The following UVRAG variants were observed in gnomAD, a reference collection of about 807,000 sequenced individuals.
UVRAG encodes UV radiation resistance associated.
In UVRAG, 19 loss-of-function variants were observed where a neutral mutation model predicts 78.0. The observed-to-expected ratio is 0.24, with a 90% CI of 0.17 to 0.36. The LOEUF (loss-of-function observed/expected upper bound fraction) is 0.36, where lower values mean the gene tolerates loss of function less well. Among genes scored for constraint, UVRAG ranks in the 10% least tolerant of loss-of-function variants. UVRAG has a pLI of 1.00. For synonymous variants in UVRAG, 323 were observed against 324.6 expected (o/e 1.00, Z 0.05); for missense variants, 740 against 853.8 (o/e 0.87, Z 1.66).
chr11:75,835,559 T>A (rs192509615), intron 1 of UVRAG, among the ~76,000 whole-genome samples: 1 of 152,218 alleles, frequency 6.6e-6, no homozygotes, highest in African/African-American at 2.4e-5. Flanking sequence ...GTTACTGCAA[T>A]GATCAAATGA....
intron 6 of UVRAG, among the ~76,000 whole-genome samples, chr11:75,951,703 T>G (rs1272354520): frequency 6.6e-6 from 1 of 152,162 alleles, no homozygotes; most frequent in Non-Finnish European, 1.5e-5. Flanking sequence ...TTCATTGATC[T>G]GTTTGTTTAG....
At chr11:76,082,268 C>T (rs1364515871) in intron 13 of UVRAG, among the ~76,000 whole-genome samples, 1 of 152,134 alleles carries the variant, frequency 6.6e-6, no homozygotes, top group South Asian at 2.1e-4. Context: ...TGGCTAGGCA[C>T]GGTGGCTCAC....
chr11:75,953,287 T>C (rs748675288), intron 6 of UVRAG, among the ~76,000 whole-genome samples: 4 of 152,190 alleles, frequency 2.6e-5, no homozygotes, highest in African/African-American at 4.8e-5. Context: ...TGTGTGCCAT[T>C]CACCTATTAC....
chr11:76,128,775 G>A (rs1269010979), intron 14 of UVRAG, among the ~76,000 whole-genome samples: 1 of 152,022 alleles, frequency 6.6e-6, no homozygotes, highest in Non-Finnish European at 1.5e-5. Flanking sequence ...GAGCCACCCC[G>A]CCCAGCTGTG....
intron 7 of UVRAG, among the ~76,000 whole-genome samples, chr11:75,962,972 TTG>T (rs1948936897): frequency 6.6e-6 from 1 of 152,180 alleles, no homozygotes; most frequent in East Asian, 1.9e-4. Flanking sequence ...CAGAGGTTCA[TTG>T]TGTGTTTTTA....
intron 4 of UVRAG, among the ~76,000 whole-genome samples, chr11:75,882,447 A>T (rs980061535): frequency 4.6e-5 from 7 of 151,748 alleles, no homozygotes; most frequent in Middle Eastern, 3.4e-3. Context: ...GGGGAGGTGG[A>T]GGTTGTAATG....
At chr11:76,079,966 G>A (rs749926459) in intron 13 of UVRAG, among the ~76,000 whole-genome samples, 4 of 152,114 alleles carry the variant, frequency 2.6e-5, no homozygotes, top group East Asian at 1.9e-4. Flanking sequence ...CTCATGGTTC[G>A]GGAAGCTGGG....
At position 75,815,399 on chromosome 11, in the gene UVRAG, TG is replaced by T. The variant is rs1945236425; in HGVS notation, c.-7del. The T allele has an allele frequency of 8.1e-7, 1 of 1,237,708 alleles. No individual in the cohort carries two copies. The highest frequency in any genetic ancestry group is 4.2e-5 in the Admixed American group (1 of 23,722). The allele number at this position is 1,237,708 out of a possible 1,614,324, so 76.7% of individuals were successfully genotyped here. ...GCCCGCCCCGCCGCTTGGCGGCCCC[TG>T]GATCGAGATGAGCGCCTCCGCGTCG... On this transcript the variant is annotated 5_prime_UTR_variant, in exon 1 of 15. Coordinates refer to ENST00000356136, the MANE Select transcript of UVRAG (RefSeq NM_003369.4).
intron 13 of UVRAG, among the ~76,000 whole-genome samples, chr11:76,093,054 G>A (rs923336864): frequency 6.6e-6 from 1 of 152,160 alleles, no homozygotes; most frequent in African/African-American, 2.4e-5. Context: ...TTCTACGTAT[G>A]GCTAGCCAGT....
intron 12 of UVRAG, among the ~76,000 whole-genome samples, chr11:76,031,156 T>C (rs1447093345): frequency 6.6e-6 from 1 of 152,198 alleles, no homozygotes; most frequent in Non-Finnish European, 1.5e-5. Flanking sequence ...ACAATCATTA[T>C]TTCATAGAGT....
intron 7 of UVRAG, among the ~76,000 whole-genome samples, chr11:75,980,308 C>T (rs537866314): frequency 1.3e-5 from 2 of 152,216 alleles, no homozygotes; most frequent in South Asian, 4.2e-4. Context: ...ACTATAGGTG[C>T]ATGCCACCGC....
chr11:75,884,226 C>CTCTCTCTCTCTT (rs1947023955), intron 4 of UVRAG, among the ~76,000 whole-genome samples: 1 of 136,642 alleles, frequency 7.3e-6, no homozygotes, highest in African/African-American at 2.9e-5. Flanking sequence ...CTCTCTCTCT[C>CTCTCTCTCTCTT]TCTCTCTCTC....
chr11:75,935,065 G>C (rs577640681), intron 6 of UVRAG: 22 of 152,222 alleles, frequency 1.4e-4, no homozygotes, highest in African/African-American at 4.3e-4. Flanking sequence ...CAATTTAAAA[G>C]GTATTATGAT....
intron 13 of UVRAG, among the ~76,000 whole-genome samples, chr11:76,082,611 C>T (rs1951518501): frequency 6.6e-6 from 1 of 150,808 alleles, no homozygotes; most frequent in African/African-American, 2.4e-5. Flanking sequence ...AAATTCTTGT[C>T]ATCTCTTGAA....
At chr11:75,917,992 G>A (rs1449497221) in intron 6 of UVRAG, among the ~76,000 whole-genome samples, 4 of 152,136 alleles carry the variant, frequency 2.6e-5, no homozygotes, top group African/African-American at 9.7e-5. Context: ...AACCCAGGCA[G>A]TCTAGCTCCA....
At chr11:76,103,324 C>G (rs1053865667) in intron 13 of UVRAG, among the ~76,000 whole-genome samples, 1 of 152,162 alleles carries the variant, frequency 6.6e-6, no homozygotes, top group Non-Finnish European at 1.5e-5. Context: ...ACCCATCAAA[C>G]TCTCTCTGCA....
At chr11:75,840,497 A>G (rs1945886201) in intron 1 of UVRAG, among the ~76,000 whole-genome samples, 1 of 152,192 alleles carries the variant, frequency 6.6e-6, no homozygotes, top group South Asian at 2.1e-4. Context: ...CAAAATGTAT[A>G]AGAAATGTAG....
chr11:75,903,301 T>G (rs2134995443), intron 5 of UVRAG, among the ~76,000 whole-genome samples: 1 of 152,314 alleles, frequency 6.6e-6, no homozygotes, highest in African/African-American at 2.4e-5. Flanking sequence ...AACCCTAAAC[T>G]GTTAGAAACC....
intron 12 of UVRAG, among the ~76,000 whole-genome samples, chr11:76,030,598 C>G (rs1167812667): frequency 6.6e-6 from 1 of 152,162 alleles, no homozygotes; most frequent in Non-Finnish European, 1.5e-5. Flanking sequence ...AGTTCGTAAC[C>G]TATGCTTCAG....
Sources: gnomAD v4.1 joint callset for allele counts (sites outside exome capture counted in the v4.1 genomes callset) on GRCh38, gnomAD v4.1.1 for gene constraint, MANE v1.5 for transcripts, NCBI Gene and HGNC (gene_info 2026-07-23, HGNC 2026-07-21) for gene names.